The following DNM3 variants were observed in gnomAD, a reference collection of about 807,000 sequenced individuals.
DNM3 encodes the protein dynamin 3, also known as dynamin-3.
In DNM3, 47 loss-of-function variants were observed where a neutral mutation model predicts 101.6. That is an observed-to-expected ratio of 0.46 (90% confidence interval 0.37 to 0.59). The LOEUF is 0.59. DNM3 is among the 20% of genes least tolerant of loss of function. DNM3 has a pLI of 0.00. For missense variants in DNM3, 849 were observed against 1,085.7 expected, an observed-to-expected ratio of 0.78 and a Z score of 3.06; for synonymous variants, 385 against 387.9, an observed-to-expected ratio of 0.99 and a Z score of 0.09.
rs183043945 is a variant in DNM3 at position 172,180,991 on chromosome 1, G to T, written c.1659+49703G>T. Among the ~76,000 whole-genome samples the T allele has an allele frequency of 7.2e-3, 1,089 of 151,992 alleles. 10 individuals are homozygous for T. Among genetic ancestry groups the T allele is most frequent in the Non-Finnish European group, 8.4e-3 (570 of 67,962 alleles). On this transcript the variant is annotated intron_variant, in intron 14 of 20. Transcript: ENST00000627582. ...CTTTTGTTGTCAACTGGCAAGTACG[G>T]AGCACTTACCAAGTGCCGCCACTCC...
At chr1:172,130,645 A>G (rs1413168436) in intron 13 of DNM3, among the ~76,000 whole-genome samples, 1 of 152,198 alleles carries the variant, frequency 6.6e-6, no homozygotes, top group African/African-American at 2.4e-5. Context: ...TTATTATTTT[A>G]TCTTTCTCCT....
At chr1:171,997,495 C>T (rs907081054) in intron 4 of DNM3, among the ~76,000 whole-genome samples, 5 of 152,244 alleles carry the variant, frequency 3.3e-5, no homozygotes, top group Middle Eastern at 3.4e-3. Flanking sequence ...AGCACAGTCT[C>T]GCCATAGAGA....
chr1:172,343,007 A>G (rs900099395), intron 17 of DNM3, among the ~76,000 whole-genome samples: 6 of 152,216 alleles, frequency 3.9e-5, no homozygotes, highest in Admixed American at 6.5e-5. Context: ...TAATGCGGTC[A>G]GTTTTATCAC....
chr1:172,199,620 G>A (rs2060080038), intron 14 of DNM3, among the ~76,000 whole-genome samples: 1 of 151,698 alleles, frequency 6.6e-6, no homozygotes, highest in Non-Finnish European at 1.5e-5. Flanking sequence ...GTTTAGGATA[G>A]TCTTCTTGTT....
chr1:172,345,694 C>G (rs904711844), intron 17 of DNM3, among the ~76,000 whole-genome samples: 2 of 152,142 alleles, frequency 1.3e-5, no homozygotes, highest in African/African-American at 4.8e-5. Flanking sequence ...TTAGCACCTT[C>G]CATGTGTCCA....
Position 172,411,017 on chromosome 1 carries a change from G to T in DNM3, c.*3176G>T, listed in dbSNP as rs1336153529. 8.1e-6 allele frequency: 8 copies of T among 985,204 alleles called. No homozygotes were observed. Among genetic ancestry groups the T allele is most frequent in the Non-Finnish European group, 9.6e-6 (8 of 829,782 alleles). The allele number at this position is 985,204 out of a possible 1,614,324, so 61.0% of individuals were successfully genotyped here. A position where few individuals can be genotyped will look rare whatever the true frequency, so the allele number is the denominator to read the frequency against. On this transcript the variant is annotated 3_prime_UTR_variant, in exon 21 of 21. Transcript: ENST00000627582. Reference sequence around the variant, plus strand: ...GTGTATTTTATGTCCATTTGAGTAGGTAGGTAGGTTTTAAAAATACTAGTT... The same window carrying T: ...GTGTATTTTATGTCCATTTGAGTAGTTAGGTAGGTTTTAAAAATACTAGTT...
intron 4 of DNM3, among the ~76,000 whole-genome samples, chr1:172,014,096 A>G (rs756597178): frequency 3.9e-5 from 6 of 152,066 alleles, no homozygotes; most frequent in Non-Finnish European, 5.9e-5. Flanking sequence ...TAGCAGCACG[A>G]TTTGCAACGG....
chr1:172,288,995 T>A (rs1282212339), intron 15 of DNM3, among the ~76,000 whole-genome samples: 1 of 152,152 alleles, frequency 6.6e-6, no homozygotes, highest in Non-Finnish European at 1.5e-5. Flanking sequence ...CTAATATATA[T>A]TTTTAGGAGT....
At chr1:172,194,141 G>C (rs9425503) in intron 14 of DNM3, among the ~76,000 whole-genome samples, 35,854 of 152,008 alleles carry the variant, frequency 0.24, 7,076 homozygotes, top group African/African-American at 0.54. Flanking sequence ...TCAGGAGCAG[G>C]TTGTTCAGTT....
Position 172,005,899 on chromosome 1 carries a change from A to G in DNM3, c.589+16751A>G, listed in dbSNP as rs968980057. 7.2e-5 allele frequency among the ~76,000 whole-genome samples: 11 copies of G among 152,182 alleles called. No individual in the cohort carries two copies. In the East Asian group the frequency reaches 2.1e-3, roughly 29 times the overall value. ...GACAAAATTGACTGAGAAAGATCTG[A>G]TGGTACTAACTGTTTACAAGTTAAC... On this transcript the variant is annotated intron_variant, in intron 4 of 20. Coordinates refer to ENST00000627582, the MANE Select transcript of DNM3 (RefSeq NM_015569.5).
chr1:172,190,770 T>C (rs1255472140), intron 14 of DNM3, among the ~76,000 whole-genome samples: 1 of 152,238 alleles, frequency 6.6e-6, no homozygotes, highest in Non-Finnish European at 1.5e-5. Flanking sequence ...TGGCCAGTGA[T>C]GATGAGCATT....
At chr1:171,942,224 T>A (rs557858639) in intron 2 of DNM3, among the ~76,000 whole-genome samples, 4 of 148,644 alleles carry the variant, frequency 2.7e-5, no homozygotes, top group Non-Finnish European at 5.9e-5. Context: ...TTTTTTTTTT[T>A]ATGGAATAAG....
At chr1:172,393,172 A>G (rs1451479127) in intron 20 of DNM3, 1 of 152,260 alleles carries the variant, frequency 6.6e-6, no homozygotes, top group Non-Finnish European at 1.5e-5. Context: ...TACATAGGCA[A>G]TCAATGCATG....
intron 4 of DNM3, among the ~76,000 whole-genome samples, chr1:172,006,148 C>T (rs1445714440): frequency 6.6e-6 from 1 of 152,172 alleles, no homozygotes; most frequent in East Asian, 1.9e-4. Context: ...GTCCCAAGTC[C>T]ACAGCAGTGG....
At chr1:172,369,762 A>G (rs1039438355) in intron 17 of DNM3, among the ~76,000 whole-genome samples, 1 of 151,974 alleles carries the variant, frequency 6.6e-6, no homozygotes, top group African/African-American at 2.4e-5. Flanking sequence ...TTAATTGATT[A>G]CATATTGTAT....
intron 1 of DNM3, among the ~76,000 whole-genome samples, chr1:171,880,896 A>G (rs1271534568): frequency 1.3e-5 from 2 of 152,088 alleles, no homozygotes; most frequent in African/African-American, 4.8e-5. Flanking sequence ...GGCAGAATAA[A>G]TAGTAAAGTA....
chr1:172,115,476 A>G (rs986431470), intron 13 of DNM3, among the ~76,000 whole-genome samples: 1 of 152,118 alleles, frequency 6.6e-6, no homozygotes, highest in African/African-American at 2.4e-5. Flanking sequence ...AAAACCCTCT[A>G]GTGATTTCCA....
intron 14 of DNM3, among the ~76,000 whole-genome samples, chr1:172,166,996 T>C (rs996960150): frequency 6.6e-6 from 1 of 151,924 alleles, no homozygotes; most frequent in African/African-American, 2.4e-5. Context: ...TGTATACATG[T>C]GCCATGTTGG....
chr1:172,056,780 A>G (rs1405881981), intron 10 of DNM3, among the ~76,000 whole-genome samples: 1 of 152,258 alleles, frequency 6.6e-6, no homozygotes, highest in African/African-American at 2.4e-5. Flanking sequence ...CTAAAAAAGC[A>G]GAGTGCCTCT....
Sources: allele counts gnomAD v4.1 joint callset (sites outside exome capture counted in the v4.1 genomes callset), GRCh38; gene constraint gnomAD v4.1.1; transcripts MANE v1.5; gene names NCBI Gene and HGNC (gene_info 2026-07-23, HGNC 2026-07-21).